NRG3: variants seen among roughly 807,000 people sequenced by gnomAD.
NRG3 encodes pro-neuregulin-3, membrane-bound isoform.
Under a neutral mutation model 66.9 loss-of-function variants are expected in NRG3, and 31 were observed. The ratio of observed to expected loss-of-function variants is 0.46; its 90% CI spans 0.35 to 0.63. NRG3 has a LOEUF of 0.63. Ranked by LOEUF, NRG3 falls within the 20% of genes least tolerant of loss-of-function variation. The pLI, the probability that NRG3 is intolerant of heterozygous loss-of-function variation, is 0.00. For synonymous variants in NRG3, 393 were observed against 359.4 expected (o/e 1.09, Z -1.06); for missense variants, 910 against 878.9 (o/e 1.04, Z -0.45).
chr10:82,689,351 G>A (rs2054748565), intron 2 of NRG3, among the ~76,000 whole-genome samples: 1 of 152,032 alleles, frequency 6.6e-6, no homozygotes, highest in Non-Finnish European at 1.5e-5. Context: ...TTTTCTCCTG[G>A]ATTCTGCACA....
At chr10:82,023,866 A>G (rs2062171847) in intron 1 of NRG3, among the ~76,000 whole-genome samples, 1 of 152,070 alleles carries the variant, frequency 6.6e-6, no homozygotes, top group Non-Finnish European at 1.5e-5. Context: ...ATGGGCCCAT[A>G]GAATGAGTTT....
intron 2 of NRG3, among the ~76,000 whole-genome samples, chr10:82,410,080 A>G (rs2087938846): frequency 6.6e-6 from 1 of 152,098 alleles, no homozygotes; most frequent in East Asian, 1.9e-4. Context: ...GAAAGCAGTT[A>G]GTCTACCCAG....
intron 2 of NRG3, among the ~76,000 whole-genome samples, chr10:82,643,359 A>G (rs1307960682): frequency 6.6e-6 from 1 of 152,100 alleles, no homozygotes; most frequent in Non-Finnish European, 1.5e-5. Context: ...GCCACCATCC[A>G]TTTAAGATGT....
In NRG3 at chr10:82,335,193, G is replaced by A. The variant is rs181288720; in HGVS notation, c.824-23546G>A. On this transcript the variant is annotated intron_variant, in intron 1 of 8. Transcript: ENST00000372141. The stretch of plus-strand genomic sequence containing the variant: ...GGACTCAAATCTTGTTAATGAATTA[G>A]GAGTGATGATGTTTAGATGTGATGC... Among the ~76,000 whole-genome samples, 630 of 152,298 alleles carry A rather than the reference G, an allele frequency of 4.1e-3. 4 individuals are homozygous for A. The highest frequency in any genetic ancestry group is 0.011 in the Admixed American group (172 of 15,302).
At chr10:82,693,657 G>A (rs1194518512) in intron 2 of NRG3, among the ~76,000 whole-genome samples, 5 of 152,066 alleles carry the variant, frequency 3.3e-5, no homozygotes, top group South Asian at 2.1e-4. Flanking sequence ...TCTTGGTCTC[G>A]CTGACTTCAA....
At chr10:82,759,957 A>G (rs922361119) in intron 3 of NRG3, among the ~76,000 whole-genome samples, 4 of 152,154 alleles carry the variant, frequency 2.6e-5, no homozygotes, top group Non-Finnish European at 5.9e-5. Flanking sequence ...GTTGCTGAAA[A>G]TGAGCTTTAA....
At chr10:82,764,515 G>A (rs113218048) in intron 3 of NRG3, among the ~76,000 whole-genome samples, 19 of 150,646 alleles carry the variant, frequency 1.3e-4, no homozygotes, top group East Asian at 7.9e-4. Context: ...GGCACCCACC[G>A]CCACGCCTGG....
intron 1 of NRG3, among the ~76,000 whole-genome samples, chr10:82,207,683 A>G (rs762422504): frequency 1.3e-5 from 2 of 152,300 alleles, no homozygotes; most frequent in Non-Finnish European, 2.9e-5. Flanking sequence ...GGCTCAGGAA[A>G]CACACAATCA....
intron 1 of NRG3, among the ~76,000 whole-genome samples, chr10:81,996,893 C>T (rs139810237): frequency 1.6e-4 from 24 of 151,814 alleles, no homozygotes; most frequent in African/African-American, 5.8e-4. Context: ...ATTATGGGTA[C>T]CTCTAAAATG....
chr10:82,110,251 T>A (rs1464338219), intron 1 of NRG3, among the ~76,000 whole-genome samples: 1 of 152,016 alleles, frequency 6.6e-6, no homozygotes, highest in African/African-American at 2.4e-5. Context: ...AAATAAAAAA[T>A]CCTTTGGATG....
At chr10:82,727,446 C>G (rs150188127) in intron 2 of NRG3, among the ~76,000 whole-genome samples, 2 of 152,222 alleles carry the variant, frequency 1.3e-5, no homozygotes, top group African/African-American at 4.8e-5. Flanking sequence ...AGGTACAGCT[C>G]AGGCCATGGC....
intron 2 of NRG3, among the ~76,000 whole-genome samples, chr10:82,546,765 T>A (rs1019240046): frequency 6.6e-6 from 1 of 152,196 alleles, no homozygotes; most frequent in African/African-American, 2.4e-5. Context: ...GATTTCTAAA[T>A]GTTACATTCC....
At chr10:82,958,184 G>A (rs1414441124) in intron 5 of NRG3, among the ~76,000 whole-genome samples, 5 of 152,192 alleles carry the variant, frequency 3.3e-5, no homozygotes, top group Non-Finnish European at 5.9e-5. Context: ...GTTGAAGAGT[G>A]TAAACTATGG....
At chr10:82,856,098 G>A (rs2063788410) in intron 3 of NRG3, among the ~76,000 whole-genome samples, 1 of 152,136 alleles carries the variant, frequency 6.6e-6, no homozygotes, top group African/African-American at 2.4e-5. Context: ...CACCAGAGGT[G>A]TCATGTTGCT....
intron 1 of NRG3, among the ~76,000 whole-genome samples, chr10:82,124,565 G>C (rs774298657): frequency 2.6e-5 from 4 of 151,726 alleles, no homozygotes; most frequent in Non-Finnish European, 5.9e-5. Context: ...GGGCCTGTCG[G>C]GGGGTGGAGG....
chr10:82,364,017 G>A (rs1402974961), intron 2 of NRG3, among the ~76,000 whole-genome samples: 6 of 151,948 alleles, frequency 3.9e-5, no homozygotes, highest in African/African-American at 1.5e-4. Context: ...TAAAAAGGTT[G>A]ATAGTTTACA....
chr10:82,235,342 G>C (rs924444375), intron 1 of NRG3, among the ~76,000 whole-genome samples: 1 of 152,174 alleles, frequency 6.6e-6, no homozygotes, highest in African/African-American at 2.4e-5. Context: ...CCAATGTCTG[G>C]ACTAGAGTAT....
At chr10:82,908,218 G>A (rs1286539714) in intron 4 of NRG3, among the ~76,000 whole-genome samples, 1 of 152,168 alleles carries the variant, frequency 6.6e-6, no homozygotes, top group East Asian at 1.9e-4. Flanking sequence ...ACATGGCCTG[G>A]CACATGTAAG....
chr10:82,082,918 T>G (rs887990150), intron 1 of NRG3, among the ~76,000 whole-genome samples: 7 of 152,106 alleles, frequency 4.6e-5, no homozygotes, highest in African/African-American at 1.7e-4. Context: ...CATGACCACT[T>G]TATTGATTAC....
Sources: gnomAD v4.1 joint callset for allele counts (sites outside exome capture counted in the v4.1 genomes callset) on GRCh38, gnomAD v4.1.1 for gene constraint, MANE v1.5 for transcripts, NCBI Gene and HGNC (gene_info 2026-07-23, HGNC 2026-07-21) for gene names.